The following GATA4 variants were observed in gnomAD, a reference collection of about 807,000 sequenced individuals.
GATA4 encodes the protein GATA binding protein 4, also known as transcription factor GATA-4.
GATA4 carries 7 observed loss-of-function variants against 37.9 expected under a neutral mutation model. That is an observed-to-expected ratio of 0.18 (90% CI 0.11 to 0.35). The LOEUF is 0.35. Ranked by LOEUF, GATA4 falls within the 10% of genes least tolerant of loss-of-function variation. The pLI, the probability that GATA4 is intolerant of heterozygous loss-of-function variation, is 1.00. For missense variants in GATA4, 647 were observed against 653.0 expected, an observed-to-expected ratio of 0.99 and a Z score of 0.10; for synonymous variants, 372 against 292.6, an observed-to-expected ratio of 1.27 and a Z score of -2.77.
rs1340387235 is a variant in GATA4, at chr8:11,759,023, C to G, written c.*548C>G. The G allele has an allele frequency of 2.3e-5, 4 of 177,032 alleles. No individual in the cohort carries two copies. Among genetic ancestry groups the G allele is most frequent in the Non-Finnish European group, 4.9e-5 (4 of 82,044 alleles). 11.0% of individuals were successfully genotyped at this position (177,032 alleles called of 1,614,324 possible). A position where few individuals can be genotyped will look rare whatever the true frequency, so the allele number is the denominator to read the frequency against. On this transcript the variant is annotated 3_prime_UTR_variant, in exon 7 of 7. Coordinates refer to ENST00000532059, the MANE Select transcript of GATA4 (RefSeq NM_001308093.3). Reference sequence around the variant, plus strand: ...GGTGTGACATACAAGTGACTGAACACTTCCTGGGGAGCTACAGGGGCACTT... The same window carrying G: ...GGTGTGACATACAAGTGACTGAACAGTTCCTGGGGAGCTACAGGGGCACTT...
In GATA4 at chr8:11,708,249, C is replaced by T. The variant is rs1280125535; in HGVS notation, c.-64C>T. On this transcript the variant is annotated 5_prime_UTR_variant, in exon 2 of 7. Coordinates refer to ENST00000532059, the MANE Select transcript of GATA4 (RefSeq NM_001308093.3). The surrounding 1 kb of genome is among the most constrained non-coding windows in gnomAD (Gnocchi z 6.7). ...ATCGTTGTTGCCGTCGTTTTCTCTCCCCGCGTGGCTCCTTGACCTGCGAGG... is the reference window on the plus strand; with the variant it reads ...ATCGTTGTTGCCGTCGTTTTCTCTCTCCGCGTGGCTCCTTGACCTGCGAGG... The T allele has an allele frequency of 2.6e-6, 4 of 1,532,458 alleles. No individual in the cohort carries two copies. In the East Asian group the frequency reaches 7.2e-5, roughly 28 times the overall value. 94.9% of individuals were successfully genotyped at this position (1,532,458 alleles called of 1,614,324 possible). A position where few individuals can be genotyped will look rare whatever the true frequency, so the allele number is the denominator to read the frequency against.
intron 2 of GATA4, among the ~76,000 whole-genome samples, chr8:11,722,728 A>G (rs1800733991): frequency 6.6e-6 from 1 of 152,200 alleles, no homozygotes; most frequent in Admixed American, 6.5e-5. Flanking sequence ...GATGGGAAAA[A>G]TAGGCACACT....
chr8:11,756,756 G>A (rs536534350), intron 5 of GATA4, 179 bp from the exon 6 acceptor site: 2 of 702,140 alleles, frequency 2.8e-6, no homozygotes, highest in African/African-American at 2.5e-5. Context: ...AGATGAGATA[G>A]GGGGAAGAAG....
intron 6 of GATA4, 30 bp downstream of exon 6, chr8:11,757,113 G>C: frequency 6.2e-7 from 1 of 1,611,336 alleles, no homozygotes; most frequent in Non-Finnish European, 8.5e-7. Flanking sequence ...CGCCAGGGCT[G>C]TTTGTGGGGA....
In GATA4 at chr8:11,708,398, G is replaced by C. The variant is rs1291721650; in HGVS notation, c.86G>C (p.Gly29Ala). 6.5e-7 allele frequency: 1 copy of C among 1,543,636 alleles called. No homozygotes were observed. The highest frequency in any genetic ancestry group is 2.4e-5 in the East Asian group (1 of 41,950). ...EAGGPGAFMH[G>A]AGAASSPVYV... ...GGCGGCCCCGGCGCCTTCATGCACG[G>C]CGCGGGCGCCGCGTCCTCGCCAGTC... is the stretch of plus-strand genomic sequence containing the variant. Residue 29 changes from glycine to alanine, a missense_variant, in exon 2 of 7, where the codon GGC (glycine) becomes GCC (alanine). Transcript: ENST00000532059. The surrounding 1 kb of genome is among the most constrained non-coding windows in gnomAD (Gnocchi z 6.7).
intron 2 of GATA4, among the ~76,000 whole-genome samples, chr8:11,729,178 G>A (rs1212518652): frequency 5.3e-5 from 8 of 152,146 alleles, no homozygotes; most frequent in Non-Finnish European, 4.4e-5. Context: ...AGCCATGATC[G>A]TGCCACTGCA....
chr8:11,731,995 A>C (rs1176042558), intron 2 of GATA4, among the ~76,000 whole-genome samples: 2 of 152,208 alleles, frequency 1.3e-5, no homozygotes, highest in Non-Finnish European at 2.9e-5. Flanking sequence ...AGGGCTGATC[A>C]CTAAGGAGAA....
At chr8:11,697,463 G>C in intron 1 of GATA4, 3 of 719,252 alleles carry the variant, frequency 4.2e-6, no homozygotes, top group Non-Finnish European at 5.1e-6. Context: ...CTCCCAGCTG[G>C]GGAAGCGGTG....
intron 2 of GATA4, among the ~76,000 whole-genome samples, chr8:11,745,285 A>G (rs946835354): frequency 1.3e-5 from 2 of 152,086 alleles, no homozygotes; most frequent in Admixed American, 6.6e-5. Context: ...GGGTGGGCAC[A>G]GTTCTGGGGT....
chr8:11,752,845 A>C (rs1802367901), intron 4 of GATA4, among the ~76,000 whole-genome samples: 1 of 152,244 alleles, frequency 6.6e-6, no homozygotes, highest in Non-Finnish European at 1.5e-5. Flanking sequence ...ATATTTCTAC[A>C]AAGCATGTAT....
chr8:11,682,015 A>T (rs555614503), intron 1 of GATA4, among the ~76,000 whole-genome samples: 22 of 152,366 alleles, frequency 1.4e-4, no homozygotes, highest in Non-Finnish European at 2.6e-4. Context: ...TTGTTTCATG[A>T]ATCAAAAGGC....
chr8:11,681,359 C>T (rs1156955859), intron 1 of GATA4: 3 of 985,384 alleles, frequency 3.0e-6, no homozygotes, highest in African/African-American at 3.5e-5. Context: ...CAGCACTCGT[C>T]CCCCTAGGTC....
At chr8:11,732,770 C>T (rs1394964502) in intron 2 of GATA4, among the ~76,000 whole-genome samples, 1 of 152,160 alleles carries the variant, frequency 6.6e-6, no homozygotes, top group African/African-American at 2.4e-5. Flanking sequence ...AAGACCAGCA[C>T]ATCAGATGAA....
chr8:11,697,966 G>GC (rs1799555256), intron 1 of GATA4: 6 of 985,366 alleles, frequency 6.1e-6, no homozygotes, highest in East Asian at 2.3e-4. Flanking sequence ...CGCTCCAGCC[G>GC]CGGGTGTCCC....
chr8:11,692,056 A>AGGT (rs1799329999), upstream of GATA4: 1 of 985,380 alleles, frequency 1.0e-6, no homozygotes, highest in Non-Finnish European at 1.2e-6. Context: ...TCACCAACAG[A>AGGT]GGTGGCCGTG....
chr8:11,702,292 T>C (rs919863703), upstream of GATA4, among the ~76,000 whole-genome samples: 1 of 151,858 alleles, frequency 6.6e-6, no homozygotes, highest in African/African-American at 2.4e-5. The surrounding 1 kb of genome is among the most constrained non-coding windows in gnomAD (Gnocchi z 4.4). Flanking sequence ...CTTTTCGCCC[T>C]TTAAGGGTCG....
chr8:11,721,860 G>C (rs1344584784), intron 2 of GATA4, among the ~76,000 whole-genome samples: 1 of 152,238 alleles, frequency 6.6e-6, no homozygotes, highest in Non-Finnish European at 1.5e-5. Context: ...TGGATTGCCA[G>C]ACCCTGTAGG....
At chr8:11,678,131 A>C (rs2129909456) in intron 1 of GATA4, among the ~76,000 whole-genome samples, 1 of 152,042 alleles carries the variant, frequency 6.6e-6, no homozygotes, top group East Asian at 1.9e-4. Context: ...CAAGGCTCTG[A>C]GAGTTTGAAA....
chr8:11,738,681 C>T (rs1403761518), intron 2 of GATA4, among the ~76,000 whole-genome samples: 1 of 152,214 alleles, frequency 6.6e-6, no homozygotes, highest in African/African-American at 2.4e-5. Flanking sequence ...TCAAGTGACA[C>T]ATGCATTTAT....
Sources: allele counts gnomAD v4.1 joint callset (sites outside exome capture counted in the v4.1 genomes callset), GRCh38; gene constraint gnomAD v4.1.1; non-coding constraint Gnocchi (gnomAD v3.1); transcripts MANE v1.5; gene names NCBI Gene and HGNC (gene_info 2026-07-23, HGNC 2026-07-21).